The following CCDC39 variants were observed in gnomAD, a reference collection of about 807,000 sequenced individuals.
CCDC39 encodes coiled-coil domain 39 molecular ruler complex subunit, also known as coiled-coil domain-containing protein 39.
A neutral mutation model predicts 121.0 loss-of-function variants in CCDC39; 113 were observed. That is an observed-to-expected ratio of 0.93 (90% CI 0.80 to 1.09). CCDC39 has a LOEUF of 1.09. CCDC39 is among the 50% of genes least tolerant of loss of function. CCDC39 has a pLI of 0.00. For synonymous variants in CCDC39, 349 were observed against 352.2 expected (o/e 0.99, Z 0.10); for missense variants, 1,063 against 1,074.7 (o/e 0.99, Z 0.15).
At chr3:180,647,601 A>G (rs1718103196) in intron 10 of CCDC39, among the ~76,000 whole-genome samples, 1 of 152,114 alleles carries the variant, frequency 6.6e-6, no homozygotes. Flanking sequence ...GTAGTCACTA[A>G]TTGTTAGCCA....
intron 14 of CCDC39, among the ~76,000 whole-genome samples, chr3:180,628,704 T>C (rs967863382): frequency 1.1e-4 from 16 of 152,128 alleles, no homozygotes; most frequent in Non-Finnish European, 2.4e-4. Flanking sequence ...AATATATAAA[T>C]GAATAAGTGT....
At chr3:180,636,419 A>C (rs999844333) in intron 13 of CCDC39, among the ~76,000 whole-genome samples, 1 of 151,680 alleles carries the variant, frequency 6.6e-6, no homozygotes, top group South Asian at 2.1e-4. Context: ...GATCTCTACA[A>C]TGAGAATTAC....
At chr3:180,624,243 A>G (rs1333067145) in intron 14 of CCDC39, among the ~76,000 whole-genome samples, 3 of 151,966 alleles carry the variant, frequency 2.0e-5, no homozygotes, top group African/African-American at 7.2e-5. Flanking sequence ...AGCTACTCCT[A>G]CTTGCTTTTG....
chr3:180,623,864 G>GGA (rs1181544420), intron 14 of CCDC39, among the ~76,000 whole-genome samples: 1 of 151,256 alleles, frequency 6.6e-6, no homozygotes, highest in African/African-American at 2.4e-5. Flanking sequence ...GGCTTGTCTT[G>GGA]GAGATGTTCC....
At position 180,666,764 on chromosome 3, in the gene CCDC39, T is replaced by G. The variant is rs148715084; in HGVS notation, c.91-2778A>C. Among the ~76,000 whole-genome samples, 84 of 152,168 alleles carry G rather than the reference T, an allele frequency of 5.5e-4. 1 individual carries two copies. Among genetic ancestry groups the G allele is most frequent in the African/African-American group, 2.0e-3 (83 of 41,536 alleles). On this transcript the variant is annotated intron_variant, in intron 1 of 19. Coordinates refer to ENST00000476379, the MANE Select transcript of CCDC39 (RefSeq NM_181426.2). ...GGGACATGTAACAATCACCAGATAT[T>G]TATTGAAAACTTACATCATGTGCAG... is the stretch of plus-strand genomic sequence containing the variant.
intron 11 of CCDC39, among the ~76,000 whole-genome samples, chr3:180,645,511 C>A (rs547924060): frequency 6.6e-6 from 1 of 152,026 alleles, no homozygotes; most frequent in South Asian, 2.1e-4. Context: ...GCCTGCATTT[C>A]TCTGAAGTAT....
rs1717124572 is a variant in CCDC39, at chr3:180,614,092, T to C, written c.*829A>G. 4.8e-6 allele frequency: 1 copy of C among 209,580 alleles called. No individual in the cohort carries two copies. Among genetic ancestry groups the C allele is most frequent in the South Asian group, 6.6e-5 (1 of 15,140 alleles). The allele number at this position is 209,580 out of a possible 1,614,324, so 13.0% of individuals were successfully genotyped here. A position where few individuals can be genotyped will look rare whatever the true frequency, so the allele number is the denominator to read the frequency against. On this transcript the variant is annotated 3_prime_UTR_variant, in exon 20 of 20. Transcript: ENST00000476379. The stretch of plus-strand genomic sequence containing the variant: ...AGTACAAAGTGTTGGGCACATGTTA[T>C]AATGAAGTGTTAACTGGAAAAACTA...
In CCDC39 at chr3:180,679,156, T is replaced by C. The variant is rs1380318664; in HGVS notation, c.90+135A>G. 1.4e-6 allele frequency: 1 copy of C among 732,118 alleles called. No homozygotes were observed. The highest frequency in any genetic ancestry group is 2.0e-5 in the Admixed American group (1 of 49,490). 45.4% of individuals were successfully genotyped at this position (732,118 alleles called of 1,614,324 possible). A position where few individuals can be genotyped will look rare whatever the true frequency, so the allele number is the denominator to read the frequency against. ...CAGAGAGGGTAAGGGAGGAGGGCGATGGTGCGGGGGAGTGTTAGAGGAAGC... is the reference window on the plus strand; with the variant it reads ...CAGAGAGGGTAAGGGAGGAGGGCGACGGTGCGGGGGAGTGTTAGAGGAAGC... On this transcript the variant is annotated intron_variant, in intron 1 of 19. Coordinates refer to ENST00000476379, the MANE Select transcript of CCDC39 (RefSeq NM_181426.2). This position sits in a 1 kb window ranked among gnomAD's most constrained non-coding sequence, Gnocchi z 4.0.
At chr3:180,674,530 T>C (rs1249046562) in intron 1 of CCDC39, among the ~76,000 whole-genome samples, 4 of 152,188 alleles carry the variant, frequency 2.6e-5, no homozygotes, top group Admixed American at 1.3e-4. Flanking sequence ...ATAGGAGTGG[T>C]GAGAGAGGGC....
intron 11 of CCDC39, 148 bp downstream of exon 11, chr3:180,646,931 A>G: frequency 3.0e-6 from 2 of 656,544 alleles, no homozygotes; most frequent in Non-Finnish European, 5.1e-6. Flanking sequence ...ACACACTAAT[A>G]GTACAAAAAT....
At chr3:180,671,210 CAAAAAA>C (rs67323828) in intron 1 of CCDC39, among the ~76,000 whole-genome samples, 1 of 78,386 alleles carries the variant, frequency 1.3e-5, no homozygotes. Context: ...GACTCTGTGT[CAAAAAA>C]AAAAAAAAAA....
intron 9 of CCDC39, among the ~76,000 whole-genome samples, chr3:180,650,863 AT>A (rs1718185336): frequency 2.0e-5 from 3 of 151,964 alleles, no homozygotes; most frequent in African/African-American, 4.8e-5. Flanking sequence ...TCTCAAAAAA[AT>A]AAAATAAAAT....
chr3:180,654,657 A>C (rs1251426015), intron 7 of CCDC39, 105 bp downstream of exon 7: 4 of 721,894 alleles, frequency 5.5e-6, no homozygotes, highest in African/African-American at 3.8e-5. Flanking sequence ...AAAAAAAAAA[A>C]AACTAGAAGT....
chr3:180,660,253 G>A (rs1347224942), intron 4 of CCDC39, among the ~76,000 whole-genome samples: 1 of 152,030 alleles, frequency 6.6e-6, no homozygotes, highest in South Asian at 2.1e-4. Flanking sequence ...AATAGTTCTA[G>A]TGGAAAACTT....
chr3:180,651,671 T>A, intron 8 of CCDC39, 138 bp from the exon 9 acceptor site: 1 of 701,990 alleles, frequency 1.4e-6, no homozygotes, highest in Non-Finnish European at 2.2e-6. Flanking sequence ...CCACTACATA[T>A]TTAATAGACC....
rs772280012 is a variant in CCDC39, at chr3:180,654,806, C to T, written c.886G>A (p.Ala296Thr). The change falls in exon 7 of 20, where the codon GCA (alanine) becomes ACA (threonine). Residue 296 changes from alanine to threonine, a missense_variant. Coordinates refer to ENST00000476379, the MANE Select transcript of CCDC39 (RefSeq NM_181426.2). ...CTACTAGTTTCATGGTCCTGATATG[C>T]CGTTCTACATTTTAAAAGTTTACGA... ...ADRKLLKCRT[A>T]YQDHETSRIQ... is the part of the protein sequence containing the mutation. 4 of 1,610,800 alleles carry T rather than the reference C, an allele frequency of 2.5e-6. No homozygotes were observed. The highest frequency in any genetic ancestry group is 3.4e-6 in the Non-Finnish European group (4 of 1,178,536).
chr3:180,620,207 GTAAC>G (rs1717396357), intron 14 of CCDC39, among the ~76,000 whole-genome samples: 1 of 151,880 alleles, frequency 6.6e-6, no homozygotes, highest in Non-Finnish European at 1.5e-5. Flanking sequence ...TGGAAATGTA[GTAAC>G]TAACCAAAGC....
intron 12 of CCDC39, among the ~76,000 whole-genome samples, chr3:180,642,934 A>AAT (rs1717990437): frequency 6.6e-6 from 1 of 152,036 alleles, no homozygotes; most frequent in Non-Finnish European, 1.5e-5. Context: ...AAATGGGGAA[A>AAT]ATATTTACAA....
intron 1 of CCDC39, among the ~76,000 whole-genome samples, chr3:180,673,126 T>C (rs532125693): frequency 8.5e-5 from 13 of 152,244 alleles, no homozygotes; most frequent in Non-Finnish European, 1.6e-4. Context: ...TTCCTTGAGA[T>C]AGTATCTACT....
Sources: allele counts gnomAD v4.1 joint callset (sites outside exome capture counted in the v4.1 genomes callset), GRCh38; gene constraint gnomAD v4.1.1; non-coding constraint Gnocchi (gnomAD v3.1); transcripts MANE v1.5; gene names NCBI Gene and HGNC (gene_info 2026-07-23, HGNC 2026-07-21).